SDCBP2: variants seen among roughly 807,000 people sequenced by gnomAD.
SDCBP2 encodes syndecan binding protein 2, also known as syntenin-2.
SDCBP2 carries 28 observed loss-of-function variants against 30.7 expected under a neutral mutation model. The ratio of observed to expected loss-of-function variants is 0.91; its 90% CI spans 0.68 to 1.25. The LOEUF (loss-of-function observed/expected upper bound fraction) is 1.25. SDCBP2 is among the 50% of genes most tolerant of loss of function. The pLI is 0.00. For missense variants in SDCBP2, 399 were observed against 379.0 expected (o/e 1.05, Z -0.44); for synonymous variants, 166 against 157.3 (o/e 1.06, Z -0.41).
intron 4 of SDCBP2, among the ~76,000 whole-genome samples, chr20:1,314,718 C>T (rs2088750471): frequency 1.3e-5 from 2 of 151,704 alleles, no homozygotes; most frequent in Non-Finnish European, 2.9e-5. Flanking sequence ...CAAAGCAAGA[C>T]CCCCATCTCT....
chr20:1,316,658 G>C (rs1392812511), intron 4 of SDCBP2, among the ~76,000 whole-genome samples: 1 of 152,164 alleles, frequency 6.6e-6, no homozygotes, highest in Non-Finnish European at 1.5e-5. Context: ...CCAAAGTACT[G>C]GGATTACAGG....
chr20:1,320,660 C>A lies in SDCBP2; in HGVS notation c.-19-225G>T. On this transcript the variant is annotated intron_variant, in intron 1 of 8. Coordinates refer to ENST00000360779, the MANE Select transcript of SDCBP2 (RefSeq NM_080489.5). This position sits in a 1 kb window ranked among gnomAD's most constrained non-coding sequence, Gnocchi z 4.7. The stretch of plus-strand genomic sequence containing the variant: ...CCTCACTGTCAACTTTTAATCTTGG[C>A]CACAATGAAGTAAGACCAGTAGGAA... 1 of 409,930 alleles carries A rather than the reference C, an allele frequency of 2.4e-6. No homozygotes were observed. Among genetic ancestry groups the A allele is most frequent in the Non-Finnish European group, 4.4e-6 (1 of 226,878 alleles). The allele number at this position is 409,930 out of a possible 1,614,324, so 25.4% of individuals were successfully genotyped here.
At position 1,315,336 on chromosome 20, in the gene SDCBP2, C is replaced by G. The variant is rs144465861; in HGVS notation, c.226-1838G>C. 7.0e-4 allele frequency among the ~76,000 whole-genome samples: 107 copies of G among 152,284 alleles called. 1 individual carries two copies. In the East Asian group the frequency reaches 0.019, roughly 27 times the overall value. On this transcript the variant is annotated intron_variant, in intron 4 of 8. Coordinates refer to ENST00000360779, the MANE Select transcript of SDCBP2 (RefSeq NM_080489.5). ...GCTGAGGTCAGGAGTTCAAGACCAG[C>G]CTGGGCAACAGGGTGAAACCTCATC...
At chr20:1,326,031 G>A (rs1376635470) in intron 1 of SDCBP2, among the ~76,000 whole-genome samples, 1 of 152,216 alleles carries the variant, frequency 6.6e-6, no homozygotes, top group African/African-American at 2.4e-5. Context: ...AGGGACTCAG[G>A]CAGTTGGATG....
intron 1 of SDCBP2, among the ~76,000 whole-genome samples, chr20:1,327,302 A>T (rs909253193): frequency 5.9e-5 from 9 of 152,204 alleles, no homozygotes; most frequent in South Asian, 2.1e-4. Flanking sequence ...CTTTGAACTT[A>T]GAGTGAGAAC....
chr20:1,318,268 G>C, intron 4 of SDCBP2, 50 bp downstream of exon 4: 1 of 1,240,734 alleles, frequency 8.1e-7, no homozygotes, highest in East Asian at 2.3e-5. Context: ...CAGGAAAAAG[G>C]GAGGATTGGG....
chr20:1,323,716 T>G (rs1417228298), intron 1 of SDCBP2: 20 of 152,252 alleles, frequency 1.3e-4, no homozygotes. Context: ...TGCATATAAC[T>G]TATGCACATT....
Position 1,313,629 on chromosome 20 carries a change from AC to A in SDCBP2, c.226-132del. ...CCGGGTCCCCCCACGTCCCCAGTCCACGCTTCTCCCCTAGGGGCGAGAGGAG... is the reference window on the plus strand; with the variant it reads ...CCGGGTCCCCCCACGTCCCCAGTCCAGCTTCTCCCCTAGGGGCGAGAGGAG... On this transcript the variant is annotated intron_variant, in intron 4 of 8. Coordinates refer to ENST00000360779, the MANE Select transcript of SDCBP2 (RefSeq NM_080489.5). This position sits in a 1 kb window ranked among gnomAD's most constrained non-coding sequence, Gnocchi z 5.2. 3 of 1,418,574 alleles carry A rather than the reference AC, an allele frequency of 2.1e-6. No individual in the cohort carries two copies. The highest frequency in any genetic ancestry group is 2.8e-6 in the Non-Finnish European group (3 of 1,089,156). 87.9% of individuals were successfully genotyped at this position (1,418,574 alleles called of 1,614,324 possible).
At position 1,318,414 on chromosome 20, in the gene SDCBP2, C is replaced by G. The variant is rs1039206165; in HGVS notation, c.129G>C (p.Leu43Phe). 6.3e-7 allele frequency: 1 copy of G among 1,587,542 alleles called. No individual in the cohort carries two copies. Among genetic ancestry groups the G allele is most frequent in the African/African-American group, 1.4e-5 (1 of 73,972 alleles). Residue 43 changes from leucine to phenylalanine, a missense_variant, in exon 4 of 9, where the codon TTG becomes TTC. Coordinates refer to ENST00000360779, the MANE Select transcript of SDCBP2 (RefSeq NM_080489.5). ...TTTCCAGTTCTGCCAAGTTTGGGTA[C>G]AAAACTGATAGGGAAAGAAGGAAGA... ...QATAISPPPV[L>F]YPNLAELENY...
chr20:1,310,548 C>A, intron 8 of SDCBP2, 53 bp from the exon 9 acceptor site: 2 of 1,551,276 alleles, frequency 1.3e-6, no homozygotes, highest in Admixed American at 3.5e-5. Context: ...CTCCACCCTC[C>A]AGCAACCTCC....
chr20:1,312,504 A>C lies in SDCBP2; in HGVS notation c.565T>G (p.Phe189Val). Residue 189 changes from phenylalanine (F) to valine (V), a missense_variant, in exon 7 of 9, where the codon TTC becomes GTC. Physicochemically the swap from Phe to Val is conservative, Grantham distance 50. Coordinates refer to ENST00000360779, the MANE Select transcript of SDCBP2 (RefSeq NM_080489.5). ...TTGTGCATGGTGACAGTCCGCTGGA[A>C]CGGCCTGGCAGGAGGGACAGTGAGC... ...KIVVVVRDRP[F>V]QRTVTMHKDS... The C allele has an allele frequency of 1.9e-6, 3 of 1,614,124 alleles. No homozygotes were observed. Among genetic ancestry groups the C allele is most frequent in the Non-Finnish European group, 2.5e-6 (3 of 1,179,992 alleles).
rs1240852869 is a variant in SDCBP2, at chr20:1,324,716, G to A, written c.-19-4281C>T. Among the ~76,000 whole-genome samples, 1 of 152,098 alleles carries A rather than the reference G, an allele frequency of 6.6e-6. No individual in the cohort carries two copies. The highest frequency in any genetic ancestry group is 2.4e-5 in the African/African-American group (1 of 41,402). On this transcript the variant is annotated intron_variant, in intron 1 of 8. Transcript: ENST00000360779. The surrounding 1 kb of genome is among the most constrained non-coding windows in gnomAD (Gnocchi z 4.7). The stretch of plus-strand genomic sequence containing the variant: ...AATCGCTGCCCACCCTGCTCCCCAC[G>A]GGTGAGTCACCCGAACAGCATGCTC...
At position 1,313,142 on chromosome 20, in the gene SDCBP2, G is replaced by A. The variant is rs571278800; in HGVS notation, c.384+198C>T. The A allele has an allele frequency of 3.1e-6, 2 of 636,468 alleles. No individual in the cohort carries two copies. The highest frequency in any genetic ancestry group is 2.8e-5 in the East Asian group (1 of 36,082). The allele number at this position is 636,468 out of a possible 1,614,324, so 39.4% of individuals were successfully genotyped here. A position where few individuals can be genotyped will look rare whatever the true frequency, so the allele number is the denominator to read the frequency against. ...GCGACGGAAGCCCACGGAGAGGCCA[G>A]TGGAGGGCCCTGCGCAACCCAGCAC... On this transcript the variant is annotated intron_variant, in intron 5 of 8. Coordinates refer to ENST00000360779, the MANE Select transcript of SDCBP2 (RefSeq NM_080489.5). This position sits in a 1 kb window ranked among gnomAD's most constrained non-coding sequence, Gnocchi z 5.2.
intron 8 of SDCBP2, 136 bp downstream of exon 8, chr20:1,310,664 T>C (rs2088649695): frequency 9.9e-7 from 1 of 1,009,294 alleles, no homozygotes. Context: ...GAAGGGAGGA[T>C]AGAGCTGGCT....
intron 8 of SDCBP2, 149 bp from the exon 9 acceptor site, chr20:1,310,644 G>A: frequency 1.0e-6 from 1 of 1,001,424 alleles, no homozygotes. Context: ...AAGCTACCTT[G>A]GAGGGAGGGG....
At position 1,313,779 on chromosome 20, in the gene SDCBP2, A is replaced by G. The variant is rs1244041644; in HGVS notation, c.226-281T>C. The G allele has an allele frequency of 4.2e-5, 27 of 648,218 alleles. No homozygotes were observed. In the Admixed American group the frequency reaches 1.2e-3, roughly 28 times the overall value. 40.2% of individuals were successfully genotyped at this position (648,218 alleles called of 1,614,324 possible). The stretch of plus-strand genomic sequence containing the variant: ...TCATTTCCCAAGGGAAACTGGCATC[A>G]GGAAAAGCCTCCTTTAAAACCCACT... On this transcript the variant is annotated intron_variant, in intron 4 of 8. Transcript: ENST00000360779. The surrounding 1 kb of genome is among the most constrained non-coding windows in gnomAD (Gnocchi z 5.2).
Position 1,319,586 on chromosome 20 carries a change from T to C in SDCBP2, c.124+4A>G. The C allele has an allele frequency of 6.4e-7, 1 of 1,564,690 alleles. No homozygotes were observed. Among genetic ancestry groups the C allele is most frequent in the Non-Finnish European group, 8.7e-7 (1 of 1,153,226 alleles). On this transcript the variant is annotated splice_donor_region_variant and intron_variant, in intron 3 of 8. Transcript: ENST00000360779. ...CCAGGAGCCCCTCATCCCAGCCCACTCACCTGGTGGTGGGGAAATGGCTGT... is the reference window on the plus strand; with the variant it reads ...CCAGGAGCCCCTCATCCCAGCCCACCCACCTGGTGGTGGGGAAATGGCTGT...
chr20:1,313,421 C>G lies in SDCBP2; in HGVS notation c.303G>C (p.Glu101Asp). 6.2e-7 allele frequency: 1 copy of G among 1,605,778 alleles called. No homozygotes were observed. The highest frequency in any genetic ancestry group is 8.5e-7 in the Non-Finnish European group (1 of 1,177,442). The change falls in exon 5 of 9, where the codon GAG (glutamate) becomes GAC (aspartate). Residue 101 changes from glutamate (E) to aspartate (D), a missense_variant. Physicochemically the swap from Glu to Asp is conservative, Grantham distance 45. Transcript: ENST00000360779. The surrounding 1 kb of genome is among the most constrained non-coding windows in gnomAD (Gnocchi z 5.2). ...GGATCTCGCGCACCCCGGGCTTGAT[C>G]TCAGCTCGCCGCACGCCCAGGCTGT... is the stretch of plus-strand genomic sequence containing the variant. ...TGYSLGVRRA[E>D]IKPGVREIHL... is the part of the protein sequence containing the mutation.
At chr20:1,314,220 G>A (rs528390572) in intron 4 of SDCBP2, among the ~76,000 whole-genome samples, 2 of 152,236 alleles carry the variant, frequency 1.3e-5, no homozygotes, top group East Asian at 3.9e-4. Flanking sequence ...TGGGCGTGGT[G>A]GCTCATGCCT....
Sources: gnomAD v4.1 joint callset for allele counts (sites outside exome capture counted in the v4.1 genomes callset) on GRCh38, gnomAD v4.1.1 for gene constraint, Gnocchi (gnomAD v3.1) non-coding constraint, MANE v1.5 for transcripts, NCBI Gene and HGNC (gene_info 2026-07-23, HGNC 2026-07-21) for gene names.